LRRC4C: variants seen among roughly 807,000 people sequenced by gnomAD.
LRRC4C encodes the protein leucine-rich repeat-containing protein 4C.
LRRC4C carries 5 observed loss-of-function variants against 33.6 expected under a neutral mutation model. The observed-to-expected ratio is 0.15, with a 90% CI of 0.08 to 0.31. The LOEUF (loss-of-function observed/expected upper bound fraction) is 0.31, where lower values mean the gene tolerates loss of function less well. Ranked by LOEUF, LRRC4C falls within the 10% of genes least tolerant of loss-of-function variation. The pLI is 1.00. For synonymous variants in LRRC4C, 329 were observed against 302.0 expected, an observed-to-expected ratio of 1.09 and a Z score of -0.93; for missense variants, 560 against 796.7, an observed-to-expected ratio of 0.70 and a Z score of 3.58.
rs549019638 is a variant in LRRC4C at position 41,308,668 on chromosome 11, A to G, written c.-496+150763T>C. ...TTTTCTCTCCCAGCCCAGCTCCCCT[A>G]TGCATGCTTGGGTTTTCTGAAGAGC... On this transcript the variant is annotated intron_variant, in intron 1 of 6. Coordinates refer to ENST00000528697, the MANE Select transcript of LRRC4C (RefSeq NM_001258419.2). 9.2e-5 allele frequency among the ~76,000 whole-genome samples: 14 copies of G among 152,282 alleles called. No individual in the cohort carries two copies. The East Asian group carries it at 2.5e-3, about 27-fold the overall frequency.
At chr11:40,647,033 T>C (rs4756614) in intron 3 of LRRC4C, among the ~76,000 whole-genome samples, 24,376 of 152,186 alleles carry the variant, frequency 0.16, 2,460 homozygotes, top group Admixed American at 0.26. Flanking sequence ...TATGTGACTC[T>C]CCAAACAAAG....
intron 3 of LRRC4C, among the ~76,000 whole-genome samples, chr11:40,420,734 C>A (rs1357671459): frequency 6.6e-6 from 1 of 152,140 alleles, no homozygotes; most frequent in Non-Finnish European, 1.5e-5. Context: ...CTATGGCTTG[C>A]CAGCTCATGA....
intron 3 of LRRC4C, among the ~76,000 whole-genome samples, chr11:40,329,452 GCAAA>G (rs924645406): frequency 1.1e-4 from 16 of 152,146 alleles, no homozygotes; most frequent in African/African-American, 3.6e-4. Context: ...TCTGTAGAAA[GCAAA>G]CAGACTTTGA....
intron 1 of LRRC4C, among the ~76,000 whole-genome samples, chr11:41,206,626 A>T (rs1258777646): frequency 1.3e-5 from 2 of 152,062 alleles, no homozygotes; most frequent in African/African-American, 2.4e-5. Context: ...TGACATGCAA[A>T]ATTTAGCTAA....
intron 2 of LRRC4C, among the ~76,000 whole-genome samples, chr11:40,751,614 A>G (rs1460321389): frequency 6.6e-6 from 1 of 152,134 alleles, no homozygotes. Context: ...GGTAAAAAAA[A>G]TAAAAACACA....
chr11:41,055,223 T>C (rs1475379765), intron 1 of LRRC4C, among the ~76,000 whole-genome samples: 2 of 152,178 alleles, frequency 1.3e-5, no homozygotes, highest in African/African-American at 4.8e-5. Flanking sequence ...GGTTCTTTCT[T>C]TAGTGTGAGT....
intron 1 of LRRC4C, among the ~76,000 whole-genome samples, chr11:40,935,169 A>C (rs1957815615): frequency 6.6e-6 from 1 of 152,190 alleles, no homozygotes; most frequent in Non-Finnish European, 1.5e-5. Context: ...CCTGAATAAC[A>C]AAATATATTC....
chr11:40,517,745 A>G (rs11035881), intron 3 of LRRC4C, among the ~76,000 whole-genome samples: 1,351 of 45,886 alleles, frequency 0.029, 10 homozygotes, highest in East Asian at 0.18. Context: ...AATTGGGGGG[A>G]AAAAAAAAAA....
chr11:40,856,470 G>A (rs796165849), intron 2 of LRRC4C, among the ~76,000 whole-genome samples: 15 of 152,058 alleles, frequency 9.9e-5, no homozygotes, highest in Non-Finnish European at 1.8e-4. Flanking sequence ...ATTCATTAGC[G>A]CATTTTATCT....
intron 1 of LRRC4C, among the ~76,000 whole-genome samples, chr11:41,259,934 C>T (rs1480886908): frequency 6.6e-6 from 1 of 151,754 alleles, no homozygotes; most frequent in Non-Finnish European, 1.5e-5. Context: ...TGTTAATATG[C>T]CATTTTTAAT....
At chr11:41,086,636 T>C (rs1381806664) in intron 1 of LRRC4C, among the ~76,000 whole-genome samples, 1 of 152,136 alleles carries the variant, frequency 6.6e-6, no homozygotes, top group South Asian at 2.1e-4. Flanking sequence ...TTTAAATTTC[T>C]TTTCTTTGTG....
At chr11:41,259,052 CAGACTATATCCTTTCT>C (rs1948891807) in intron 1 of LRRC4C, among the ~76,000 whole-genome samples, 1 of 152,020 alleles carries the variant, frequency 6.6e-6, no homozygotes, top group Non-Finnish European at 1.5e-5. Context: ...TCCGTAAGAG[CAGACTATATCCTTTCT>C]AATCTCTGTA....
chr11:40,149,694 T>A (rs1391775839), intron 5 of LRRC4C, among the ~76,000 whole-genome samples: 1 of 152,060 alleles, frequency 6.6e-6, no homozygotes, highest in African/African-American at 2.4e-5. Flanking sequence ...GAAAAAGAGA[T>A]GTGTAAATTC....
intron 1 of LRRC4C, among the ~76,000 whole-genome samples, chr11:41,007,718 A>T (rs960623412): frequency 6.6e-5 from 10 of 152,154 alleles, no homozygotes; most frequent in African/African-American, 2.4e-4. Context: ...AACATTATTT[A>T]GCCATTGTCA....
intron 1 of LRRC4C, among the ~76,000 whole-genome samples, chr11:41,383,883 A>T (rs1282246603): frequency 6.6e-6 from 1 of 152,060 alleles, no homozygotes; most frequent in Non-Finnish European, 1.5e-5. Context: ...ACAAGTAAAA[A>T]GATGATAAAA....
rs71060958 is a variant in LRRC4C, at chr11:40,405,608, C to CAA, written c.-269-85889_-269-85888dup. The stretch of plus-strand genomic sequence containing the variant: ...TGGGTGACAAGAGCAACACTCTATC[C>CAA]AAAAAAAAAAAAAAAAAAGGAATGT... On this transcript the variant is annotated intron_variant, in intron 3 of 6. Coordinates refer to ENST00000528697, the MANE Select transcript of LRRC4C (RefSeq NM_001258419.2). Among the ~76,000 whole-genome samples, 245 of 70,742 alleles carry CAA rather than the reference C, an allele frequency of 3.5e-3. 8 individuals carry two copies. In the East Asian group the frequency reaches 0.044, roughly 13 times the overall value. The allele number at this position is 70,742 out of a possible 152,430, so 46.4% of individuals were successfully genotyped here.
chr11:40,854,720 AAT>A (rs1379740431), intron 2 of LRRC4C, among the ~76,000 whole-genome samples: 2 of 150,952 alleles, frequency 1.3e-5, no homozygotes, highest in Non-Finnish European at 3.0e-5. Flanking sequence ...AGTGTATATT[AAT>A]ATATATATTT....
intron 1 of LRRC4C, among the ~76,000 whole-genome samples, chr11:41,360,283 T>G (rs1401962457): frequency 6.6e-6 from 1 of 152,214 alleles, no homozygotes; most frequent in Non-Finnish European, 1.5e-5. Context: ...TGGTGTACAC[T>G]GAGCTCTTCA....
intron 2 of LRRC4C, among the ~76,000 whole-genome samples, chr11:40,876,286 G>C (rs1037512532): frequency 5.9e-5 from 2 of 34,148 alleles, no homozygotes; most frequent in African/African-American, 2.0e-4. Context: ...TTTTTTCATT[G>C]GGGAGTAATG....
Sources: allele counts gnomAD v4.1 joint callset (sites outside exome capture counted in the v4.1 genomes callset), GRCh38; gene constraint gnomAD v4.1.1; transcripts MANE v1.5; gene names NCBI Gene and HGNC (gene_info 2026-07-23, HGNC 2026-07-21).